The following MYO1B variants were observed in gnomAD, a reference collection of about 807,000 sequenced individuals.
MYO1B encodes the protein unconventional myosin-Ib.
A neutral mutation model predicts 159.7 loss-of-function variants in MYO1B; 72 were observed. The ratio of observed to expected loss-of-function variants is 0.45; its 90% confidence interval spans 0.37 to 0.55. The LOEUF (loss-of-function observed/expected upper bound fraction) is 0.55. MYO1B is among the 20% of genes least tolerant of loss of function. MYO1B has a pLI of 0.00. For missense variants in MYO1B, 1,062 were observed against 1,364.8 expected, an observed-to-expected ratio of 0.78 and a Z score of 3.50; for synonymous variants, 468 against 473.8, an observed-to-expected ratio of 0.99 and a Z score of 0.16.
chr2:191,358,630 T>C (rs574794375), intron 7 of MYO1B, among the ~76,000 whole-genome samples: 2 of 152,318 alleles, frequency 1.3e-5, no homozygotes, highest in African/African-American at 2.4e-5. Context: ...CACGGGCTTT[T>C]TGATGGTGTT....
intron 21 of MYO1B, among the ~76,000 whole-genome samples, chr2:191,397,722 G>C (rs1298665397): frequency 1.4e-5 from 2 of 145,702 alleles, no homozygotes; most frequent in East Asian, 4.3e-4. Flanking sequence ...CCTCCCAGAC[G>C]GGGTCGTGGC....
intron 3 of MYO1B, among the ~76,000 whole-genome samples, chr2:191,311,361 AATC>A (rs1224049129): frequency 2.0e-5 from 3 of 152,172 alleles, no homozygotes; most frequent in African/African-American, 7.2e-5. Flanking sequence ...ATGCAGGCAT[AATC>A]ATAGGTTACC....
chr2:191,422,753 G>T (rs1490704585), intron 30 of MYO1B, among the ~76,000 whole-genome samples: 3 of 152,086 alleles, frequency 2.0e-5, no homozygotes, highest in African/African-American at 7.2e-5. Flanking sequence ...AGACTAGAGG[G>T]TTGCCAGGCC....
intron 3 of MYO1B, among the ~76,000 whole-genome samples, chr2:191,305,972 C>T (rs767843239): frequency 6.6e-6 from 1 of 152,038 alleles, no homozygotes; most frequent in Non-Finnish European, 1.5e-5. Context: ...GGGTGCCCAC[C>T]GTGAGCCATG....
At chr2:191,374,956 T>C (rs1694608065) in intron 13 of MYO1B, among the ~76,000 whole-genome samples, 1 of 152,240 alleles carries the variant, frequency 6.6e-6, no homozygotes, top group Admixed American at 6.5e-5. Flanking sequence ...ACAATCTACA[T>C]TGATTTCAGC....
chr2:191,369,425 G>A (rs758912741), intron 11 of MYO1B, 117 bp from the exon 12 acceptor site: 35 of 762,818 alleles, frequency 4.6e-5, no homozygotes, highest in African/African-American at 7.0e-5. Context: ...AACTGGTTCT[G>A]CAAAGATGTG....
At chr2:191,414,203 C>G (rs756840833) in intron 28 of MYO1B, 23 bp downstream of exon 28, 1 of 1,601,352 alleles carries the variant, frequency 6.2e-7, no homozygotes, top group South Asian at 1.1e-5. Context: ...ACCTTGAAGA[C>G]TGATAAGAAG....
intron 4 of MYO1B, among the ~76,000 whole-genome samples, chr2:191,336,867 C>G (rs182007305): frequency 3.9e-5 from 6 of 152,178 alleles, no homozygotes; most frequent in Admixed American, 2.0e-4. Flanking sequence ...ACTTTGGTGT[C>G]TTAACTAGAG....
chr2:191,408,994 CT>C (rs1288162531), intron 25 of MYO1B, 49 bp from the exon 26 acceptor site: 4 of 1,560,940 alleles, frequency 2.6e-6, no homozygotes, highest in Non-Finnish European at 3.5e-6. Context: ...AAAACAGTGT[CT>C]TTTGTGGTAT....
At chr2:191,334,897 G>T (rs1260898896) in intron 4 of MYO1B, among the ~76,000 whole-genome samples, 1 of 152,106 alleles carries the variant, frequency 6.6e-6, no homozygotes, top group African/African-American at 2.4e-5. Context: ...GTTTCAACAG[G>T]CAAAACAAGC....
intron 7 of MYO1B, among the ~76,000 whole-genome samples, chr2:191,351,978 A>T (rs1006661905): frequency 6.6e-6 from 1 of 152,206 alleles, no homozygotes; most frequent in African/African-American, 2.4e-5. Context: ...TATTTATAAG[A>T]ATGTTTAATT....
At chr2:191,315,086 A>G (rs893108484) in intron 3 of MYO1B, among the ~76,000 whole-genome samples, 1 of 152,080 alleles carries the variant, frequency 6.6e-6, no homozygotes, top group African/African-American at 2.4e-5. Context: ...AGCTCTTCTT[A>G]TAAGGGTGGT....
At chr2:191,418,482 A>ATTTTTTTTTTTTTTT (rs1159016855) in intron 30 of MYO1B, among the ~76,000 whole-genome samples, 4 of 81,042 alleles carry the variant, frequency 4.9e-5, no homozygotes, top group Admixed American at 2.0e-4. Flanking sequence ...TCTTTAGTGG[A>ATTTTTTTTTTTTTTT]TTTTTTTTTT....
At chr2:191,256,828 C>G (rs1383943181) in intron 1 of MYO1B, among the ~76,000 whole-genome samples, 1 of 152,134 alleles carries the variant, frequency 6.6e-6, no homozygotes, top group African/African-American at 2.4e-5. Context: ...GGTGAAGTAC[C>G]TTCCCATTTG....
intron 15 of MYO1B, among the ~76,000 whole-genome samples, chr2:191,385,576 G>C (rs1359839560): frequency 6.6e-6 from 1 of 152,088 alleles, no homozygotes; most frequent in Non-Finnish European, 1.5e-5. Context: ...TTTTGTAAGA[G>C]TATAAATTTC....
intron 20 of MYO1B, among the ~76,000 whole-genome samples, 175 bp downstream of exon 20, chr2:191,393,397 G>A (rs1695881770): frequency 6.6e-6 from 1 of 152,172 alleles, no homozygotes; most frequent in African/African-American, 2.4e-5. Flanking sequence ...ACACAAAGCT[G>A]TTAAGTAATT....
At chr2:191,250,611 T>C (rs894027936) in intron 1 of MYO1B, among the ~76,000 whole-genome samples, 2 of 152,218 alleles carry the variant, frequency 1.3e-5, no homozygotes, top group Non-Finnish European at 2.9e-5. Context: ...TTGAGTTATA[T>C]GATATTATTC....
chr2:191,327,820 T>G (rs1691201240), intron 3 of MYO1B, among the ~76,000 whole-genome samples: 2 of 152,224 alleles, frequency 1.3e-5, no homozygotes, highest in Non-Finnish European at 2.9e-5. Context: ...CAGGATCTTT[T>G]TATTACTTTT....
At chr2:191,349,824 C>T (rs1056126492) in intron 6 of MYO1B, among the ~76,000 whole-genome samples, 1 of 152,178 alleles carries the variant, frequency 6.6e-6, no homozygotes, top group Non-Finnish European at 1.5e-5. Context: ...AGTCTGTATA[C>T]ACAGACAACT....
Sources: gnomAD v4.1 joint callset for allele counts (sites outside exome capture counted in the v4.1 genomes callset) on GRCh38, gnomAD v4.1.1 for gene constraint, MANE v1.5 for transcripts, NCBI Gene and HGNC (gene_info 2026-07-23, HGNC 2026-07-21) for gene names.